ATP6V0A4: variants seen among roughly 807,000 people sequenced by gnomAD.
ATP6V0A4 encodes the protein V-type proton ATPase 116 kDa subunit a 4.
Under a neutral mutation model 107.3 loss-of-function variants are expected in ATP6V0A4, and 86 were observed. That is an observed-to-expected ratio of 0.80 (90% confidence interval 0.67 to 0.96). The LOEUF (loss-of-function observed/expected upper bound fraction) is 0.96, where lower values mean the gene tolerates loss of function less well. Among genes scored for constraint, ATP6V0A4 ranks in the 40% least tolerant of loss-of-function variants. The pLI is 0.00. For synonymous variants in ATP6V0A4, 353 were observed against 381.4 expected (o/e 0.93, Z 0.87); for missense variants, 908 against 1,045.6 (o/e 0.87, Z 1.81).
At chr7:138,714,582 A>G (rs3080494) in intron 20 of ATP6V0A4, among the ~76,000 whole-genome samples, 9 of 142,920 alleles carry the variant, frequency 6.3e-5, no homozygotes, top group Non-Finnish European at 1.1e-4. Context: ...AGACAGACAG[A>G]CAGGCAGATG....
intron 5 of ATP6V0A4, among the ~76,000 whole-genome samples, chr7:138,766,524 T>C (rs1807101739): frequency 6.6e-6 from 1 of 152,170 alleles, no homozygotes; most frequent in South Asian, 2.1e-4. Context: ...TAGACATTTT[T>C]TTTTTAATCC....
chr7:138,745,417 A>G (rs1805864387), intron 13 of ATP6V0A4, 137 bp from the exon 14 acceptor site: 1 of 1,292,020 alleles, frequency 7.7e-7, no homozygotes, highest in Admixed American at 1.8e-5. Context: ...GCAGACATCA[A>G]TCATCCAGAC....
At chr7:138,775,681 C>T (rs957761052) in intron 2 of ATP6V0A4, among the ~76,000 whole-genome samples, 4 of 137,534 alleles carry the variant, frequency 2.9e-5, no homozygotes, top group Admixed American at 8.0e-5. Flanking sequence ...GACAGTCTCT[C>T]GCTCTGTCGC....
At chr7:138,757,286 CG>C (rs1424313810) in intron 8 of ATP6V0A4, among the ~76,000 whole-genome samples, 1 of 152,100 alleles carries the variant, frequency 6.6e-6, no homozygotes, top group African/African-American at 2.4e-5. Context: ...GAGGCTAAGG[CG>C]GGTGGATGGC....
At position 138,752,856 on chromosome 7, in the gene ATP6V0A4, A is replaced by C. The variant is rs1345702193; in HGVS notation, c.817-19T>G. On this transcript the variant is annotated intron_variant, in intron 10 of 21. Coordinates refer to ENST00000310018, the MANE Select transcript of ATP6V0A4 (RefSeq NM_020632.3). ...TTATGACCTATACAAAAAACAACAC[A>C]CAGGAAAACAGAGAACCTTCACAGA... The C allele has an allele frequency of 6.2e-7, 1 of 1,612,782 alleles. No individual in the cohort carries two copies. The highest frequency in any genetic ancestry group is 2.2e-5 in the East Asian group (1 of 44,888).
intron 8 of ATP6V0A4, among the ~76,000 whole-genome samples, chr7:138,758,262 T>G (rs997168924): frequency 1.3e-5 from 2 of 152,256 alleles, no homozygotes; most frequent in African/African-American, 4.8e-5. Flanking sequence ...AAGAAAAAAA[T>G]TATTTCCATG....
chr7:138,758,318 G>A (rs1806609937), intron 8 of ATP6V0A4, among the ~76,000 whole-genome samples: 1 of 152,164 alleles, frequency 6.6e-6, no homozygotes, highest in South Asian at 2.1e-4. Flanking sequence ...GCTATAGAGA[G>A]AAATAGTACA....
In ATP6V0A4 at chr7:138,784,253, CATAT is replaced by C. The variant is rs59443230; in HGVS notation, c.-18+1901_-18+1904del. The stretch of plus-strand genomic sequence containing the variant: ...ATATATACGTATATATATATATATA[CATAT>C]ATATATATACATATATATATATACA... On this transcript the variant is annotated intron_variant, in intron 2 of 21. Transcript: ENST00000310018. 3.8e-3 allele frequency among the ~76,000 whole-genome samples: 402 copies of C among 106,176 alleles called. 14 individuals are homozygous for C. The highest frequency in any genetic ancestry group is 0.018 in the African/African-American group (347 of 19,358). 69.7% of individuals were successfully genotyped at this position (106,176 alleles called of 152,430 possible).
chr7:138,783,553 T>A (rs1183765768), intron 2 of ATP6V0A4, among the ~76,000 whole-genome samples: 1 of 151,812 alleles, frequency 6.6e-6, no homozygotes, highest in Non-Finnish European at 1.5e-5. Flanking sequence ...TAGTGAGAAA[T>A]CATCTCTACG....
At chr7:138,717,251 T>C (rs1420515396) in intron 19 of ATP6V0A4, among the ~76,000 whole-genome samples, 2 of 151,906 alleles carry the variant, frequency 1.3e-5, no homozygotes, top group African/African-American at 4.8e-5. Context: ...ATGGAGGAGA[T>C]CAACAAGGGA....
intron 19 of ATP6V0A4, among the ~76,000 whole-genome samples, chr7:138,721,611 T>G (rs1804424842): frequency 6.6e-6 from 1 of 152,194 alleles, no homozygotes; most frequent in Non-Finnish European, 1.5e-5. Context: ...GGACCTTCTA[T>G]GTCACTAGAT....
chr7:138,743,564 C>A (rs1435430534), intron 14 of ATP6V0A4, among the ~76,000 whole-genome samples: 1 of 152,312 alleles, frequency 6.6e-6, no homozygotes, highest in African/African-American at 2.4e-5. Flanking sequence ...TTCTGTCCCC[C>A]ATTTATGACG....
At position 138,728,842 on chromosome 7, in the gene ATP6V0A4, A is replaced by C. The variant is rs1804844694; in HGVS notation, c.1929T>G (p.Phe643Leu). ...YKHQQEVQSF[F>L]VVMALISVPW... The stretch of plus-strand genomic sequence containing the variant: ...GCACAGAAATCAAAGCCATAACCAC[A>C]AAGAAACTTTGGACTTCTTGCTGCA... Residue 643 changes from phenylalanine (F) to leucine (L), a missense_variant, in exon 18 of 22, where the codon TTT becomes TTG. By Grantham distance (22) the Phe-to-Leu change is conservative. Transcript: ENST00000310018. The C allele has an allele frequency of 3.1e-6, 5 of 1,614,212 alleles. No homozygotes were observed. Among genetic ancestry groups the C allele is most frequent in the Non-Finnish European group, 4.2e-6 (5 of 1,180,042 alleles).
chr7:138,736,914 T>G (rs113723434), intron 15 of ATP6V0A4, among the ~76,000 whole-genome samples: 66 of 151,404 alleles, frequency 4.4e-4, no homozygotes, highest in South Asian at 2.3e-3. Flanking sequence ...GAAACAGACA[T>G]AGAGATGTTA....
intron 1 of ATP6V0A4, among the ~76,000 whole-genome samples, chr7:138,797,066 G>T (rs1001773673): frequency 6.6e-6 from 1 of 151,886 alleles, no homozygotes; most frequent in African/African-American, 2.4e-5. Flanking sequence ...TGCGCTTCTG[G>T]GTGCTGCTGG....
At chr7:138,714,632 G>A (rs1803941371) in intron 20 of ATP6V0A4, among the ~76,000 whole-genome samples, 1 of 152,300 alleles carries the variant, frequency 6.6e-6, no homozygotes, top group South Asian at 2.1e-4. Context: ...GGCCTGGCCT[G>A]ACTGATCCTG....
Position 138,728,772 on chromosome 7 carries a change from G to C in ATP6V0A4, c.1999C>G (p.Arg667Gly). The change falls in exon 18 of 22, where the codon CGG becomes GGG. Residue 667 changes from arginine (R) to glycine (G), a missense_variant. Arg to Gly is a moderately radical substitution (Grantham distance 125). Transcript: ENST00000310018. ...CAAACAGCCCTTACCTGGGATTTCC[G>C]ATGACTGGCTCTAAGAATAAACGGC... The part of the protein sequence containing the change: ...IKPFILRASH[R>G]KSQLQASRIQ... 6.2e-7 allele frequency: 1 copy of C among 1,614,138 alleles called. No individual in the cohort carries two copies. The highest frequency in any genetic ancestry group is 1.3e-5 in the African/African-American group (1 of 75,032).
chr7:138,782,088 AG>A (rs376213236), intron 2 of ATP6V0A4, among the ~76,000 whole-genome samples: 150 of 152,354 alleles, frequency 9.8e-4, no homozygotes, highest in Non-Finnish European at 2.0e-3. Flanking sequence ...GTGGTACCAG[AG>A]TGCCATAAAC....
At chr7:138,744,441 TTGGCCAGGC>T (rs1172913404) in intron 14 of ATP6V0A4, among the ~76,000 whole-genome samples, 2 of 152,162 alleles carry the variant, frequency 1.3e-5, no homozygotes, top group African/African-American at 4.8e-5. Flanking sequence ...TTTCACCATG[TTGGCCAGGC>T]TGGTCTCGAA....
Sources: gnomAD v4.1 joint callset for allele counts (sites outside exome capture counted in the v4.1 genomes callset) on GRCh38, gnomAD v4.1.1 for gene constraint, MANE v1.5 for transcripts, NCBI Gene and HGNC (gene_info 2026-07-23, HGNC 2026-07-21) for gene names.